The following ZNF236 variants were observed in gnomAD, a reference collection of about 807,000 sequenced individuals.
ZNF236 encodes the protein regulated by glucose.
Under a neutral mutation model 191.2 loss-of-function variants are expected in ZNF236, and 50 were observed. That is an observed-to-expected ratio of 0.26 (90% confidence interval 0.21 to 0.33). ZNF236 has a LOEUF of 0.33. Among genes scored for constraint, ZNF236 ranks in the 10% least tolerant of loss-of-function variants. The probability of loss-of-function intolerance (pLI) is 1.00; values close to 1 mark genes in which losing one functional copy is unlikely to be tolerated. For synonymous variants in ZNF236, 907 were observed against 928.8 expected, an observed-to-expected ratio of 0.98 and a Z score of 0.43; for missense variants, 1,754 against 2,374.5, an observed-to-expected ratio of 0.74 and a Z score of 5.43.
intron 1 of ZNF236, among the ~76,000 whole-genome samples, chr18:76,843,988 C>T (rs1975600893): frequency 6.6e-6 from 1 of 151,622 alleles, no homozygotes; most frequent in East Asian, 1.9e-4. Context: ...TGCAGTGTCT[C>T]ACGCCTGTAA....
Position 76,960,944 on chromosome 18 carries a change from A to G in ZNF236, c.5419+89A>G. ...ATACATTGTTTCCTTTAGTTCACACAGTGATTTTGCATTGCACGTGGTACA... is the reference window on the plus strand; with the variant it reads ...ATACATTGTTTCCTTTAGTTCACACGGTGATTTTGCATTGCACGTGGTACA... On this transcript the variant is annotated intron_variant, in intron 30 of 30. Transcript: ENST00000320610. This position sits in a 1 kb window ranked among gnomAD's most constrained non-coding sequence, Gnocchi z 4.4. The G allele has an allele frequency of 7.1e-7, 1 of 1,410,022 alleles. No homozygotes were observed. Among genetic ancestry groups the G allele is most frequent in the African/African-American group, 1.4e-5 (1 of 69,560 alleles). The allele number at this position is 1,410,022 out of a possible 1,614,324, so 87.3% of individuals were successfully genotyped here.
chr18:76,964,907 CT>C (rs1968737562), intron 30 of ZNF236, among the ~76,000 whole-genome samples: 1 of 152,112 alleles, frequency 6.6e-6, no homozygotes, highest in African/African-American at 2.4e-5. Context: ...CTTTGTGCTT[CT>C]TGTATTTGGA....
intron 1 of ZNF236, among the ~76,000 whole-genome samples, chr18:76,847,767 C>T (rs117578677): frequency 0.018 from 2,672 of 152,310 alleles, 32 homozygotes; most frequent in Middle Eastern, 0.034. Context: ...TGAGCCCCTC[C>T]GCCCGGCCCC....
intron 1 of ZNF236, among the ~76,000 whole-genome samples, chr18:76,837,437 C>CTTTTTTTTTT (rs71760598): frequency 1.9e-5 from 2 of 105,852 alleles, no homozygotes; most frequent in East Asian, 2.7e-4. Context: ...TTTTCTTTTT[C>CTTTTTTTTTT]TTTTTTTTTT....
intron 25 of ZNF236, among the ~76,000 whole-genome samples, chr18:76,934,582 T>G (rs560888968): frequency 6.6e-6 from 1 of 152,386 alleles, no homozygotes; most frequent in South Asian, 2.1e-4. Flanking sequence ...TGTAGGGTTA[T>G]TCTAGCCTTA....
chr18:76,875,482 C>A lies in ZNF236; in HGVS notation c.668-10C>A. 6.7e-7 allele frequency: 1 copy of A among 1,493,044 alleles called. No homozygotes were observed. Among genetic ancestry groups the A allele is most frequent in the East Asian group, 2.4e-5 (1 of 40,874 alleles). The allele number at this position is 1,493,044 out of a possible 1,614,324, so 92.5% of individuals were successfully genotyped here. ...GGAATTATATTTTGATCATTTTTCT[C>A]CCACTCTAGGTGAAAGGCCGTTCAA... On this transcript the variant is annotated splice_polypyrimidine_tract_variant and intron_variant, in intron 5 of 30. Coordinates refer to ENST00000320610, the MANE Select transcript of ZNF236 (RefSeq NM_001306089.2). The surrounding 1 kb of genome is among the most constrained non-coding windows in gnomAD (Gnocchi z 4.3).
intron 1 of ZNF236, among the ~76,000 whole-genome samples, chr18:76,823,154 C>G (rs1974913360): frequency 1.3e-5 from 2 of 151,872 alleles, no homozygotes; most frequent in African/African-American, 4.8e-5. Flanking sequence ...GCCGGCTGCC[C>G]CGGGGACGTT....
intron 30 of ZNF236, among the ~76,000 whole-genome samples, chr18:76,967,499 G>A (rs1968807318): frequency 1.3e-5 from 2 of 152,174 alleles, no homozygotes; most frequent in Admixed American, 6.6e-5. Flanking sequence ...TGTGATCTGT[G>A]AGATTTGTGA....
intron 1 of ZNF236, among the ~76,000 whole-genome samples, chr18:76,833,518 C>CCAAACTTGTATCCCTGGGATACAGG (rs1975231412): frequency 6.6e-6 from 1 of 151,988 alleles, no homozygotes; most frequent in Non-Finnish European, 1.5e-5. Context: ...TAATGGTAAG[C>CCAAACTTGTATCCCTGGGATACAGG]CAAACTTGTA....
intron 18 of ZNF236, 134 bp from the exon 19 acceptor site, chr18:76,915,512 TA>T: frequency 1.3e-6 from 1 of 753,336 alleles, no homozygotes; most frequent in Non-Finnish European, 2.1e-6. Context: ...TTTTTTTTTT[TA>T]ACCAAAGTCT....
intron 13 of ZNF236, 137 bp downstream of exon 13, chr18:76,905,552 A>C: frequency 1.5e-5 from 1 of 65,082 alleles, no homozygotes. Flanking sequence ...CAAGAAAAAA[A>C]AAAAAAAAAA....
In ZNF236 at chr18:76,960,994, T is replaced by G. The variant is rs1351240231; in HGVS notation, c.5419+139T>G. 1.0e-5 allele frequency: 10 copies of G among 960,922 alleles called. No individual in the cohort carries two copies. The highest frequency in any genetic ancestry group is 1.5e-5 in the Non-Finnish European group (10 of 668,496). The allele number at this position is 960,922 out of a possible 1,614,324, so 59.5% of individuals were successfully genotyped here. On this transcript the variant is annotated intron_variant, in intron 30 of 30. Transcript: ENST00000320610. The surrounding 1 kb of genome is among the most constrained non-coding windows in gnomAD (Gnocchi z 4.4). ...AGCCTCAGTTGTGTGGACTGGAAGC[T>G]TGTGCTTTATTTTATTTTTTGATTT...
chr18:76,918,994 T>C (rs531345651), intron 19 of ZNF236, among the ~76,000 whole-genome samples: 3 of 152,232 alleles, frequency 2.0e-5, no homozygotes, highest in Non-Finnish European at 2.9e-5. Flanking sequence ...TTTAAAGTTT[T>C]ATTTTCTTCT....
chr18:76,827,864 G>C (rs887673773), intron 1 of ZNF236, among the ~76,000 whole-genome samples: 9 of 152,108 alleles, frequency 5.9e-5, no homozygotes, highest in African/African-American at 1.4e-4. Flanking sequence ...ATGTGACCTT[G>C]AGGGAAACCA....
intron 1 of ZNF236, among the ~76,000 whole-genome samples, chr18:76,825,281 T>TCACC: frequency 6.6e-6 from 1 of 152,368 alleles, no homozygotes; most frequent in Admixed American, 6.5e-5. Context: ...AAAGTGGTTC[T>TCACC]CAAACTGTGG....
In ZNF236 at chr18:76,971,123, A is replaced by G. The variant is rs1256320523; in HGVS notation, c.*2784A>G. 1.3e-5 allele frequency among the ~76,000 whole-genome samples: 2 copies of G among 152,236 alleles called. No homozygotes were observed. The highest frequency in any genetic ancestry group is 2.9e-5 in the Non-Finnish European group (2 of 68,042). ...ATGAATTGCCTTTGCAAAGATACCA[A>G]ACGTGAAGGTGGGGTGCAGGTACTG... On this transcript the variant is annotated 3_prime_UTR_variant, in exon 31 of 31. Coordinates refer to ENST00000320610, the MANE Select transcript of ZNF236 (RefSeq NM_001306089.2).
chr18:76,824,337 C>T (rs1183762451), intron 1 of ZNF236: 2 of 781,000 alleles, frequency 2.6e-6, no homozygotes, highest in Non-Finnish European at 4.8e-6. Flanking sequence ...ACAGGCGTTT[C>T]AGCGAGCTTT....
At chr18:76,871,345 CT>C (rs1265368820) in intron 4 of ZNF236, among the ~76,000 whole-genome samples, 7 of 152,042 alleles carry the variant, frequency 4.6e-5, no homozygotes, top group African/African-American at 1.7e-4. Context: ...GAGCAAGAGA[CT>C]GGAGGAGGTG....
intron 26 of ZNF236, among the ~76,000 whole-genome samples, chr18:76,943,765 A>G (rs1335304275): frequency 6.6e-6 from 1 of 152,232 alleles, no homozygotes; most frequent in Non-Finnish European, 1.5e-5. Flanking sequence ...TGCTGTTTAA[A>G]GCTTTCTTAA....
Sources: allele counts gnomAD v4.1 joint callset (sites outside exome capture counted in the v4.1 genomes callset), GRCh38; gene constraint gnomAD v4.1.1; non-coding constraint Gnocchi (gnomAD v3.1); transcripts MANE v1.5; gene names NCBI Gene and HGNC (gene_info 2026-07-23, HGNC 2026-07-21).